CP: variants seen among roughly 807,000 people sequenced by gnomAD.
The protein encoded by CP is ceruloplasmin.
A neutral mutation model predicts 122.4 loss-of-function variants in CP; 64 were observed. The ratio of observed to expected loss-of-function variants is 0.52; its 90% CI spans 0.43 to 0.64. CP has a LOEUF of 0.64. Among genes scored for constraint, CP ranks in the 30% least tolerant of loss-of-function variants. The pLI is 0.00. For synonymous variants in CP, 440 were observed against 436.4 expected, an observed-to-expected ratio of 1.01 and a Z score of -0.10; for missense variants, 1,167 against 1,284.4, an observed-to-expected ratio of 0.91 and a Z score of 1.40.
chr3:149,216,247 C>G (rs1207761652), intron 1 of CP, among the ~76,000 whole-genome samples: 1 of 152,198 alleles, frequency 6.6e-6, no homozygotes, highest in Admixed American at 6.5e-5. Context: ...TCAGGCATCA[C>G]CAAGCTGAAA....
At chr3:149,194,991 GA>G (rs1186246159) in intron 9 of CP, among the ~76,000 whole-genome samples, 1 of 152,094 alleles carries the variant, frequency 6.6e-6, no homozygotes, top group East Asian at 1.9e-4. Context: ...AGAAAATCTA[GA>G]AATAGACTCA....
chr3:149,196,092 T>C (rs1726882825), intron 9 of CP, among the ~76,000 whole-genome samples: 1 of 152,182 alleles, frequency 6.6e-6, no homozygotes, highest in African/African-American at 2.4e-5. Context: ...GGATCTACCC[T>C]AATGACAAAA....
chr3:149,166,154 G>A, intron 4 of CP: 1 of 382,294 alleles, frequency 2.6e-6, no homozygotes, highest in Non-Finnish European at 5.2e-6. Context: ...AGAATCAAAA[G>A]TAGTATTTAT....
rs775376178 is a variant in CP, at chr3:149,210,149, A to G, written c.607+18T>C. ...TGTCTTTTGGTCATATAGCATGTGC[A>G]ATAAGGAGAAGATGTACCTTTTTTA... On this transcript the variant is annotated intron_variant, in intron 3 of 18. Coordinates refer to ENST00000264613, the MANE Select transcript of CP (RefSeq NM_000096.4). 8.1e-6 allele frequency: 13 copies of G among 1,611,534 alleles called. No individual in the cohort carries two copies. The Admixed American group carries it at 8.3e-5, about 10-fold the overall frequency.
chr3:149,206,325 A>G lies in CP; in HGVS notation c.1051T>C (p.Phe351Leu). 1.9e-6 allele frequency: 3 copies of G among 1,613,848 alleles called. No homozygotes were observed. The highest frequency in any genetic ancestry group is 2.5e-6 in the Non-Finnish European group (3 of 1,179,762). Residue 351 changes from phenylalanine to leucine, a missense_variant, in exon 6 of 19, where the codon TTT becomes CTT. By Grantham distance (22) the Phe-to-Leu change is conservative (BLOSUM62 0). Coordinates refer to ENST00000264613, the MANE Select transcript of CP (RefSeq NM_000096.4). ...TTGTTACACTCCTGGACCTGGAAAA[A>G]GGCTTGCAAACCGGCTGAAATGAAA... ...LNHLKAGLQA[F>L]FQVQECNKSS...
intron 11 of CP, chr3:149,186,093 A>G (rs1449426856): frequency 1.8e-5 from 4 of 221,432 alleles, no homozygotes; most frequent in Non-Finnish European, 1.8e-5. Flanking sequence ...CTGAATTTGC[A>G]TGGCTACAAT....
chr3:149,217,335 A>G (rs1372862485), intron 1 of CP, among the ~76,000 whole-genome samples: 3 of 152,184 alleles, frequency 2.0e-5, no homozygotes, highest in Admixed American at 6.5e-5. Context: ...AAGGGATGCT[A>G]TATAACTTGG....
chr3:149,200,257 T>G (rs986384105), intron 7 of CP, among the ~76,000 whole-genome samples: 2 of 152,168 alleles, frequency 1.3e-5, no homozygotes, highest in African/African-American at 4.8e-5. Flanking sequence ...TTGAATTGTT[T>G]TGGATGTGAA....
chr3:149,163,929 G>A, intron 5 of CP: 1 of 1,534,872 alleles, frequency 6.5e-7, no homozygotes, highest in Admixed American at 1.7e-5. Flanking sequence ...AAATTATACA[G>A]AAGATCTTTC....
intron 17 of CP, chr3:149,176,798 A>C (rs1725450865): frequency 6.2e-6 from 1 of 162,214 alleles, no homozygotes; most frequent in Non-Finnish European, 1.3e-5. Context: ...TGAAGCTTTA[A>C]GTCAAGGTAA....
At chr3:149,194,244 TA>T (rs1189491489) in intron 9 of CP, among the ~76,000 whole-genome samples, 5 of 143,604 alleles carry the variant, frequency 3.5e-5, no homozygotes, top group African/African-American at 1.5e-4. Context: ...TTTTATTTTT[TA>T]TTTTTTTTTT....
rs746474414 is a variant in CP, at chr3:149,206,210, C to A, written c.1166G>T (p.Gly389Val). The A allele has an allele frequency of 6.2e-7, 1 of 1,613,900 alleles. No homozygotes were observed. The highest frequency in any genetic ancestry group is 2.2e-5 in the East Asian group (1 of 44,874). The change falls in exon 6 of 19, where the codon GGT (glycine) becomes GTT (valine). Residue 389 changes from glycine to valine, a missense_variant. Transcript: ENST00000264613. ...EEIIWNYAPS[G>V]IDIFTKENLT... ...GTTTTCTTTAGTGAAGATGTCTATACCAGAGGGAGCATAGTTCCAGATGAT... is the reference window on the plus strand; with the variant it reads ...GTTTTCTTTAGTGAAGATGTCTATAACAGAGGGAGCATAGTTCCAGATGAT...
At chr3:149,191,902 A>T (rs1726571690) in intron 9 of CP, among the ~76,000 whole-genome samples, 1 of 152,100 alleles carries the variant, frequency 6.6e-6, no homozygotes, top group Admixed American at 6.5e-5. Context: ...TTTACTGAAT[A>T]ATTAAAAAGA....
chr3:149,187,820 G>T, intron 10 of CP: 1 of 504,552 alleles, frequency 2.0e-6, no homozygotes, highest in Non-Finnish European at 3.6e-6. Context: ...TGCTGATATA[G>T]GGACCACACT....
chr3:149,166,759 A>G (rs13066364), intron 4 of CP, among the ~76,000 whole-genome samples: 3,654 of 152,296 alleles, frequency 0.024, 61 homozygotes, highest in South Asian at 0.046. Flanking sequence ...AAGAATGCCC[A>G]TTGGTTTTAA....
intron 10 of CP, among the ~76,000 whole-genome samples, chr3:149,187,455 G>A (rs751678176): frequency 1.2e-4 from 18 of 151,946 alleles, no homozygotes; most frequent in Non-Finnish European, 2.1e-4. Flanking sequence ...AATTACACTA[G>A]GTATTTAAAA....
At chr3:149,171,151 A>C (rs1318234122), downstream of CP, among the ~76,000 whole-genome samples, 1 of 151,986 alleles carries the variant, frequency 6.6e-6, no homozygotes, top group Non-Finnish European at 1.5e-5. Context: ...GGTGGTGCGC[A>C]CCTGTAGTCC....
chr3:149,204,159 A>G (rs979198732), intron 6 of CP, among the ~76,000 whole-genome samples: 2 of 152,236 alleles, frequency 1.3e-5, no homozygotes, highest in Non-Finnish European at 2.9e-5. Context: ...GGAGATAAGC[A>G]GTAGGACCTA....
downstream of CP, among the ~76,000 whole-genome samples, chr3:149,167,733 G>A (rs1391133365): frequency 6.6e-6 from 1 of 152,202 alleles, no homozygotes; most frequent in Non-Finnish European, 1.5e-5. Flanking sequence ...TAAGGCAGAA[G>A]ACTGGCTGCT....
Sources: allele counts gnomAD v4.1 joint callset (sites outside exome capture counted in the v4.1 genomes callset), GRCh38; gene constraint gnomAD v4.1.1; transcripts MANE v1.5; gene names NCBI Gene and HGNC (gene_info 2026-07-23, HGNC 2026-07-21).